GUCY1A2: variants seen among roughly 807,000 people sequenced by gnomAD.
GUCY1A2 encodes the protein guanylate cyclase 1 soluble subunit alpha 2.
In GUCY1A2, 27 loss-of-function variants were observed where a neutral mutation model predicts 63.5. The observed-to-expected ratio is 0.43, with a 90% CI of 0.31 to 0.59. The LOEUF is 0.59. Ranked by LOEUF, GUCY1A2 falls within the 20% of genes least tolerant of loss-of-function variation. The pLI is 0.11. For missense variants in GUCY1A2, 768 were observed against 913.3 expected, an observed-to-expected ratio of 0.84 and a Z score of 2.05; for synonymous variants, 364 against 343.5, an observed-to-expected ratio of 1.06 and a Z score of -0.66.
At chr11:106,730,451 C>CA (rs1863484006) in intron 6 of GUCY1A2, among the ~76,000 whole-genome samples, 1 of 151,866 alleles carries the variant, frequency 6.6e-6, no homozygotes, top group African/African-American at 2.4e-5. Context: ...AGCTCTCATT[C>CA]TTTTTTTATG....
chr11:106,912,594 G>T (rs1860310797), intron 4 of GUCY1A2, among the ~76,000 whole-genome samples: 2 of 152,016 alleles, frequency 1.3e-5, no homozygotes, highest in Non-Finnish European at 2.9e-5. Context: ...AGTGGGGTGA[G>T]GTTTAACTGT....
At chr11:106,703,620 A>C (rs1005889954) in intron 7 of GUCY1A2, among the ~76,000 whole-genome samples, 1 of 152,172 alleles carries the variant, frequency 6.6e-6, no homozygotes, top group Non-Finnish European at 1.5e-5. Context: ...TTCAGCAAAG[A>C]ATGAAGGCCT....
rs1330453542 is a variant in GUCY1A2 at position 106,776,534 on chromosome 11, T to G, written c.1741A>C (p.Lys581Gln). Residue 581 changes from lysine (K) to glutamine (Q), a missense_variant, in exon 6 of 8, where the codon AAA (lysine) becomes CAA (glutamine). Around this residue, in one of 3 missense-constraint regions of GUCY1A2, gnomAD observed 122 missense variants for 238.1 expected, o/e 0.51. Coordinates refer to ENST00000526355, the MANE Select transcript of GUCY1A2 (RefSeq NM_000855.3). ...AYCVAAGLHR[K>Q]SLCHAKPIAL... The stretch of plus-strand genomic sequence containing the variant: ...ATGGGTTTAGCATGGCAGAGGCTTT[T>G]TCTGTGGAGCCCTGCTGCAACACAG... 1 of 1,613,650 alleles carries G rather than the reference T, an allele frequency of 6.2e-7. No individual in the cohort carries two copies. Among genetic ancestry groups the G allele is most frequent in the Non-Finnish European group, 8.5e-7 (1 of 1,179,658 alleles).
intron 4 of GUCY1A2, among the ~76,000 whole-genome samples, chr11:106,864,465 A>G (rs572351320): frequency 6.6e-6 from 1 of 152,060 alleles, no homozygotes; most frequent in South Asian, 2.1e-4. Flanking sequence ...GTTGAATAGG[A>G]GTGGTGAGAG....
intron 3 of GUCY1A2, among the ~76,000 whole-genome samples, chr11:106,949,216 A>G (rs953862352): frequency 1.3e-5 from 2 of 148,442 alleles, no homozygotes; most frequent in East Asian, 2.0e-4. Context: ...ACATCTCATC[A>G]TATTGTTTCT....
At chr11:106,823,900 CT>C (rs1412704948) in intron 4 of GUCY1A2, 155 of 346,128 alleles carry the variant, frequency 4.5e-4, no homozygotes, top group Middle Eastern at 1.6e-3. Flanking sequence ...CCTTTGCCCA[CT>C]TTTTTTTTCT....
At chr11:106,786,491 ACT>A (rs1864558393) in intron 5 of GUCY1A2, among the ~76,000 whole-genome samples, 2 of 151,936 alleles carry the variant, frequency 1.3e-5, no homozygotes, top group African/African-American at 4.8e-5. Context: ...TCCTGATAAA[ACT>A]CTCAGTAGGT....
intron 4 of GUCY1A2, among the ~76,000 whole-genome samples, chr11:106,861,801 C>T (rs1859516661): frequency 6.6e-6 from 1 of 151,918 alleles, no homozygotes; most frequent in Admixed American, 6.6e-5. Flanking sequence ...ACACTTTTAT[C>T]TCATTTTTCT....
rs1460717300 is a variant in GUCY1A2, at chr11:106,682,258, T to A, written c.*5291A>T. Reference sequence around the variant, plus strand: ...AGAGTATTTAACTTTTCAAAATAACTACAAATGAAATAACATCACTATCCC... The same window carrying A: ...AGAGTATTTAACTTTTCAAAATAACAACAAATGAAATAACATCACTATCCC... On this transcript the variant is annotated 3_prime_UTR_variant, in exon 8 of 8. Transcript: ENST00000526355. 1 of 215,316 alleles carries A rather than the reference T, an allele frequency of 4.6e-6. No homozygotes were observed. Among genetic ancestry groups the A allele is most frequent in the Non-Finnish European group, 9.3e-6 (1 of 107,136 alleles). The allele number at this position is 215,316 out of a possible 1,614,324, so 13.3% of individuals were successfully genotyped here.
At chr11:106,953,372 C>A (rs1232072174) in intron 3 of GUCY1A2, among the ~76,000 whole-genome samples, 1 of 152,178 alleles carries the variant, frequency 6.6e-6, no homozygotes, top group Non-Finnish European at 1.5e-5. Flanking sequence ...AAGGATGAAG[C>A]CCACTTGCTC....
intron 7 of GUCY1A2, among the ~76,000 whole-genome samples, chr11:106,691,235 G>T (rs1862618669): frequency 6.6e-6 from 1 of 152,068 alleles, no homozygotes; most frequent in Non-Finnish European, 1.5e-5. Context: ...TAACTAAAAA[G>T]ACAAGAAATG....
chr11:106,756,016 T>A (rs1201901027), intron 6 of GUCY1A2, among the ~76,000 whole-genome samples: 1 of 152,216 alleles, frequency 6.6e-6, no homozygotes, highest in African/African-American at 2.4e-5. Context: ...ACTTGCTTTA[T>A]GAATCTGGGT....
intron 4 of GUCY1A2, among the ~76,000 whole-genome samples, chr11:106,914,349 A>C (rs1453392367): frequency 1.3e-5 from 2 of 152,076 alleles, no homozygotes; most frequent in Non-Finnish European, 2.9e-5. Flanking sequence ...CTACTTTATA[A>C]GTTTTTTATG....
chr11:106,804,539 T>C (rs1174581719), intron 5 of GUCY1A2, among the ~76,000 whole-genome samples: 2 of 152,232 alleles, frequency 1.3e-5, no homozygotes, highest in African/African-American at 4.8e-5. Context: ...CTGTGAAATC[T>C]ATTTCATGCT....
At chr11:106,827,608 G>A (rs1591292867) in intron 4 of GUCY1A2, 7 of 1,506,748 alleles carry the variant, frequency 4.6e-6, no homozygotes, top group Non-Finnish European at 5.5e-6. Flanking sequence ...ACAATGCAGT[G>A]TTCTTCACTC....
At chr11:106,761,976 T>C (rs1341821376) in intron 6 of GUCY1A2, among the ~76,000 whole-genome samples, 2 of 152,148 alleles carry the variant, frequency 1.3e-5, no homozygotes, top group Admixed American at 1.3e-4. Flanking sequence ...GTGTGATCAC[T>C]AATCATAACC....
At chr11:106,925,048 C>T (rs1321537988) in intron 4 of GUCY1A2, among the ~76,000 whole-genome samples, 2 of 151,910 alleles carry the variant, frequency 1.3e-5, no homozygotes, top group Non-Finnish European at 2.9e-5. Context: ...ATCATCATCA[C>T]CTTAATAATC....
At chr11:106,873,812 C>T (rs2135466173) in intron 4 of GUCY1A2, among the ~76,000 whole-genome samples, 1 of 152,168 alleles carries the variant, frequency 6.6e-6, no homozygotes, top group East Asian at 1.9e-4. Context: ...GTTGCAATTG[C>T]TACAAAAGCT....
At chr11:106,948,505 T>C (rs943674645) in intron 3 of GUCY1A2, among the ~76,000 whole-genome samples, 1 of 152,102 alleles carries the variant, frequency 6.6e-6, no homozygotes, top group Non-Finnish European at 1.5e-5. Flanking sequence ...AAATAAGATA[T>C]AAAGAAACTG....
Sources: gnomAD v4.1 joint callset for allele counts (sites outside exome capture counted in the v4.1 genomes callset) on GRCh38, gnomAD v4.1.1 for gene constraint, gnomAD v4.1.1 regional missense constraint, MANE v1.5 for transcripts, NCBI Gene and HGNC (gene_info 2026-07-23, HGNC 2026-07-21) for gene names.